GFPT2: variants seen among roughly 807,000 people sequenced by gnomAD.
GFPT2 encodes the protein glutamine--fructose-6-phosphate aminotransferase [isomerizing] 2.
Under a neutral mutation model 85.6 loss-of-function variants are expected in GFPT2, and 62 were observed. The ratio of observed to expected loss-of-function variants is 0.72; its 90% CI spans 0.59 to 0.90. The LOEUF is 0.90. GFPT2 is among the 40% of genes least tolerant of loss of function. GFPT2 has a pLI of 0.00. For missense variants in GFPT2, 788 were observed against 893.4 expected, an observed-to-expected ratio of 0.88 and a Z score of 1.50; for synonymous variants, 368 against 344.5, an observed-to-expected ratio of 1.07 and a Z score of -0.75.
At chr5:180,335,992 C>A in intron 3 of GFPT2, 39 bp from the exon 4 acceptor site, 1 of 1,541,626 alleles carries the variant, frequency 6.5e-7, no homozygotes, top group Non-Finnish European at 8.7e-7. Flanking sequence ...ACTTGAACAA[C>A]AAGCCTCGAC....
intron 17 of GFPT2, among the ~76,000 whole-genome samples, chr5:180,303,884 A>C (rs940125149): frequency 1.3e-5 from 2 of 152,166 alleles, no homozygotes; most frequent in African/African-American, 4.8e-5. Context: ...GCCTGTAGAT[A>C]GTTCCAGGAT....
intron 1 of GFPT2, among the ~76,000 whole-genome samples, chr5:180,349,674 G>A (rs1333690808): frequency 1.3e-5 from 2 of 151,956 alleles, no homozygotes; most frequent in African/African-American, 4.8e-5. Flanking sequence ...CTTGATCTGG[G>A]CCAAGTAAAA....
At position 180,328,357 on chromosome 5, in the gene GFPT2, T is replaced by C. The variant is rs776054576; in HGVS notation, c.535-19A>G. 5.6e-6 allele frequency: 9 copies of C among 1,603,150 alleles called. No homozygotes were observed. The highest frequency in any genetic ancestry group is 1.7e-5 in the Admixed American group (1 of 59,992). On this transcript the variant is annotated intron_variant, in intron 6 of 18. Transcript: ENST00000253778. This position sits in a 1 kb window ranked among gnomAD's most constrained non-coding sequence, Gnocchi z 5.4. ...CACCTTCCTGAAAACACACAAACAG[T>C]GAGGGTCAACGCGTTCCAGCAGCCG... is the stretch of plus-strand genomic sequence containing the variant.
intron 1 of GFPT2, among the ~76,000 whole-genome samples, chr5:180,345,459 G>A (rs1332734119): frequency 1.3e-5 from 2 of 152,352 alleles, no homozygotes; most frequent in South Asian, 2.1e-4. Context: ...TTCCCGCTGG[G>A]GTGGGAGTAG....
chr5:180,324,748 G>A, intron 8 of GFPT2, 68 bp downstream of exon 8: 1 of 1,022,270 alleles, frequency 9.8e-7, no homozygotes. Flanking sequence ...AGCTGACTGT[G>A]CCAGAGCAGC....
rs199627007 is a variant in GFPT2 at position 180,338,523 on chromosome 5, G to T, written c.85C>A (p.Arg29=). The change falls in exon 2 of 19, where the codon CGG becomes AGG. Residue 29 remains arginine (R), a synonymous_variant. Transcript: ENST00000253778. Reference sequence around the variant, plus strand: ...GAGTCGTAGCCTCTGTACTCCAGCCGCTGCAGGCCCTTGATGAGGGTTTCG... The same window carrying T: ...GAGTCGTAGCCTCTGTACTCCAGCCTCTGCAGGCCCTTGATGAGGGTTTCG... The part of the protein sequence containing the change: ...IFETLIKGLQ[R]LEYRGYDSAG... The T allele has an allele frequency of 1.2e-6, 2 of 1,610,532 alleles. No individual in the cohort carries two copies. The highest frequency in any genetic ancestry group is 3.3e-5 in the Admixed American group (2 of 59,988).
At chr5:180,334,822 G>C (rs1764366078) in intron 4 of GFPT2, among the ~76,000 whole-genome samples, 1 of 152,166 alleles carries the variant, frequency 6.6e-6, no homozygotes, top group Non-Finnish European at 1.5e-5. Flanking sequence ...GAGGAGACAG[G>C]GATTAGATCC....
intron 7 of GFPT2, among the ~76,000 whole-genome samples, chr5:180,325,684 A>G (rs1281889503): frequency 2.0e-5 from 3 of 152,194 alleles, no homozygotes; most frequent in African/African-American, 7.2e-5. Context: ...AAAGAGCTTT[A>G]GGATATTTCC....
chr5:180,315,209 G>A (rs1338642610), intron 13 of GFPT2, among the ~76,000 whole-genome samples: 2 of 148,718 alleles, frequency 1.3e-5, no homozygotes, highest in Admixed American at 6.8e-5. Context: ...ACGGAGTCTC[G>A]CTCTGTCGCC....
intron 4 of GFPT2, 109 bp downstream of exon 4, chr5:180,335,719 G>T: frequency 8.8e-7 from 1 of 1,131,484 alleles, no homozygotes; most frequent in Non-Finnish European, 1.3e-6. Flanking sequence ...AGATGAAGTA[G>T]GCTGAGAAGT....
rs561471548 is a variant in GFPT2, at chr5:180,317,723, C to T, written c.959-665G>A. On this transcript the variant is annotated intron_variant, in intron 10 of 18. Coordinates refer to ENST00000253778, the MANE Select transcript of GFPT2 (RefSeq NM_005110.4). ...GCAGTGAGCCGAGATCGCGCCACAG[C>T]ACTCCAGCCTGGGCGACAGAGCAAG... 5.0e-3 allele frequency among the ~76,000 whole-genome samples: 529 copies of T among 105,794 alleles called. 12 individuals carry two copies. Among genetic ancestry groups the T allele is most frequent in the Admixed American group, 0.043 (419 of 9,642 alleles). The allele number at this position is 105,794 out of a possible 152,430, so 69.4% of individuals were successfully genotyped here. A position where few individuals can be genotyped will look rare whatever the true frequency, so the allele number is the denominator to read the frequency against.
Position 180,336,487 on chromosome 5 carries a change from T to A in GFPT2, c.206A>T (p.Glu69Val). The A allele has an allele frequency of 6.3e-7, 1 of 1,587,000 alleles. No homozygotes were observed. The change falls in exon 3 of 19, where the codon GAA (glutamate) becomes GTA (valine). Residue 69 changes from glutamate to valine, a missense_variant. By Grantham distance (121) the Glu-to-Val change is moderately radical (BLOSUM62 -2). Coordinates refer to ENST00000253778, the MANE Select transcript of GFPT2 (RefSeq NM_005110.4). ...KRGKVKALDE[E>V]LYKQDSMDLK... The stretch of plus-strand genomic sequence containing the variant: ...AGAGGTCCTCCACTTACTGTAAAGT[T>A]CTTCATCGAGAGCCTTGACTTTCCC...
intron 1 of GFPT2, among the ~76,000 whole-genome samples, chr5:180,350,553 C>G (rs923515224): frequency 6.6e-6 from 1 of 152,156 alleles, no homozygotes; most frequent in African/African-American, 2.4e-5. Context: ...AGGACCACAC[C>G]CATGAGATCT....
intron 18 of GFPT2, 146 bp downstream of exon 18, chr5:180,302,277 A>C: frequency 4.6e-4 from 241 of 518,642 alleles, no homozygotes; most frequent in Middle Eastern, 1.1e-3. Context: ...ACAGAGCGAG[A>C]CTCAATCTCA....
intron 1 of GFPT2, among the ~76,000 whole-genome samples, chr5:180,350,796 ACTACTGCCGAGTC>A (rs1188528509): frequency 6.6e-6 from 1 of 152,248 alleles, no homozygotes; most frequent in Admixed American, 6.5e-5. Context: ...TAGAGGATCA[ACTACTGCCGAGTC>A]CTGGCTTCCC....
rs1323768063 is a variant in GFPT2 at position 180,316,246 on chromosome 5, G to A, written c.1273+95C>T. ...TGCAAGAGAGGGTTCGCAGCACAGG[G>A]TAGCCATGCAGAGGACTTAACTGAA... On this transcript the variant is annotated intron_variant, in intron 13 of 18. Coordinates refer to ENST00000253778, the MANE Select transcript of GFPT2 (RefSeq NM_005110.4). 4 of 1,257,204 alleles carry A rather than the reference G, an allele frequency of 3.2e-6. No homozygotes were observed. The Admixed American group carries it at 7.5e-5, about 24-fold the overall frequency. 77.9% of individuals were successfully genotyped at this position (1,257,204 alleles called of 1,614,324 possible). A position where few individuals can be genotyped will look rare whatever the true frequency, so the allele number is the denominator to read the frequency against.
At position 180,342,406 on chromosome 5, in the gene GFPT2, TG is replaced by T. The variant is rs375774387; in HGVS notation, c.8-3807del. ...TATCACCATTCATGTTTAGGTGAAA[TG>T]TTTTTTTTTTTTTTTTTTTTGAGAC... On this transcript the variant is annotated intron_variant, in intron 1 of 18. Coordinates refer to ENST00000253778, the MANE Select transcript of GFPT2 (RefSeq NM_005110.4). Among the ~76,000 whole-genome samples the T allele has an allele frequency of 1.6e-4, 18 of 114,990 alleles. No homozygotes were observed. In the South Asian group the frequency reaches 2.8e-3, roughly 18 times the overall value. The allele number at this position is 114,990 out of a possible 152,430, so 75.4% of individuals were successfully genotyped here.
chr5:180,302,274 G>A (rs1295952919), intron 18 of GFPT2, 149 bp downstream of exon 18: 17 of 575,136 alleles, frequency 3.0e-5, no homozygotes, highest in African/African-American at 1.8e-4. Flanking sequence ...GCGACAGAGC[G>A]AGACTCAATC....
intron 1 of GFPT2, among the ~76,000 whole-genome samples, chr5:180,340,794 G>A (rs1183576257): frequency 6.6e-6 from 1 of 152,052 alleles, no homozygotes; most frequent in Non-Finnish European, 1.5e-5. Context: ...GATTACAGGC[G>A]TGAGCCACCA....
Sources: gnomAD v4.1 joint callset for allele counts (sites outside exome capture counted in the v4.1 genomes callset) on GRCh38, gnomAD v4.1.1 for gene constraint, Gnocchi (gnomAD v3.1) non-coding constraint, MANE v1.5 for transcripts, NCBI Gene and HGNC (gene_info 2026-07-23, HGNC 2026-07-21) for gene names.